TRPM8: variants seen among roughly 807,000 people sequenced by gnomAD.
TRPM8 encodes transient receptor potential cation channel subfamily M member 8.
TRPM8 carries 110 observed loss-of-function variants against 133.7 expected under a neutral mutation model. The observed-to-expected ratio is 0.82, with a 90% CI of 0.70 to 0.96. TRPM8 has a LOEUF of 0.96. Ranked by LOEUF, TRPM8 falls within the 40% of genes least tolerant of loss-of-function variation. The pLI is 0.00. For missense variants in TRPM8, 1,291 were observed against 1,379.5 expected, an observed-to-expected ratio of 0.94 and a Z score of 1.02; for synonymous variants, 535 against 532.3, an observed-to-expected ratio of 1.01 and a Z score of -0.07.
chr2:233,928,954 T>C (rs1258252412), intron 2 of TRPM8, among the ~76,000 whole-genome samples: 1 of 152,148 alleles, frequency 6.6e-6, no homozygotes, highest in Non-Finnish European at 1.5e-5. Context: ...GTTTTGAACA[T>C]TCATGGAATT....
chr2:233,971,075 C>A (rs1370933638), intron 17 of TRPM8, among the ~76,000 whole-genome samples: 1 of 152,174 alleles, frequency 6.6e-6, no homozygotes, highest in Non-Finnish European at 1.5e-5. Flanking sequence ...AAAGTCATCC[C>A]AGAAAATCTT....
At chr2:233,924,789 C>T (rs1388056752) in intron 1 of TRPM8, among the ~76,000 whole-genome samples, 1 of 152,178 alleles carries the variant, frequency 6.6e-6, no homozygotes, top group Non-Finnish European at 1.5e-5. Context: ...ACTTCCTAAG[C>T]CTTGGTGCCC....
In TRPM8 at chr2:234,007,827, G is replaced by A. The variant is rs186464252; in HGVS notation, c.3231-243G>A. On this transcript the variant is annotated intron_variant, in intron 23 of 25. Coordinates refer to ENST00000324695, the MANE Select transcript of TRPM8 (RefSeq NM_024080.5). ...ACAGACTTACAAGTCCTTTTCCACC[G>A]CCCTGTCAACAGCAATAGCATTTAT... Among the ~76,000 whole-genome samples the A allele has an allele frequency of 8.1e-4, 123 of 152,236 alleles. 1 individual carries two copies. The South Asian group carries it at 0.015, about 18-fold the overall frequency.
chr2:233,964,102 T>G (rs1030758684), intron 13 of TRPM8, among the ~76,000 whole-genome samples: 4 of 152,218 alleles, frequency 2.6e-5, no homozygotes, highest in African/African-American at 9.6e-5. Context: ...GTTCCTAGGT[T>G]GAGCTTCGGG....
intron 17 of TRPM8, among the ~76,000 whole-genome samples, chr2:233,973,752 G>C (rs756293401): frequency 6.6e-6 from 1 of 152,192 alleles, no homozygotes; most frequent in Middle Eastern, 3.2e-3. Flanking sequence ...GTATGTGTCA[G>C]CAGCAGCGAG....
intron 15 of TRPM8, among the ~76,000 whole-genome samples, chr2:233,968,513 C>T (rs1393890059): frequency 6.6e-6 from 1 of 152,134 alleles, no homozygotes; most frequent in East Asian, 1.9e-4. Flanking sequence ...CACCTTATTC[C>T]AGGACACTAG....
At chr2:233,966,469 G>A in intron 14 of TRPM8, 141 bp from the exon 15 acceptor site, 1 of 1,013,342 alleles carries the variant, frequency 9.9e-7, no homozygotes, top group Non-Finnish European at 1.5e-6. Context: ...GTGTTGTGAT[G>A]GCATTTTCTA....
intron 15 of TRPM8, among the ~76,000 whole-genome samples, chr2:233,967,563 A>G (rs1022648953): frequency 1.3e-5 from 2 of 152,340 alleles, no homozygotes; most frequent in South Asian, 2.1e-4. Flanking sequence ...GCTGTGAAGT[A>G]GCAGCACTAG....
intron 15 of TRPM8, among the ~76,000 whole-genome samples, chr2:233,969,264 G>A (rs1392478271): frequency 6.6e-6 from 1 of 151,924 alleles, no homozygotes; most frequent in Non-Finnish European, 1.5e-5. Flanking sequence ...GATCACCTGA[G>A]GTCGGGAGTT....
At chr2:233,998,316 C>T (rs1692459067) in intron 22 of TRPM8, among the ~76,000 whole-genome samples, 1 of 152,188 alleles carries the variant, frequency 6.6e-6, no homozygotes. Flanking sequence ...ATTTGTTTTA[C>T]ACCAACTAAG....
At chr2:233,964,991 C>T (rs933804300) in intron 14 of TRPM8, among the ~76,000 whole-genome samples, 2 of 151,482 alleles carry the variant, frequency 1.3e-5, no homozygotes, top group Non-Finnish European at 2.9e-5. Flanking sequence ...CCCATGGCCA[C>T]CCAGGGCCAT....
At chr2:233,934,445 A>T (rs901784550) in intron 3 of TRPM8, among the ~76,000 whole-genome samples, 3 of 152,230 alleles carry the variant, frequency 2.0e-5, no homozygotes, top group Non-Finnish European at 4.4e-5. Flanking sequence ...GTCAATTATG[A>T]ACATTTCCAC....
intron 20 of TRPM8, among the ~76,000 whole-genome samples, chr2:233,984,073 A>G (rs982549248): frequency 6.6e-6 from 1 of 152,132 alleles, no homozygotes; most frequent in African/African-American, 2.4e-5. Context: ...TCATCCTCAT[A>G]ACAACCCTCC....
At chr2:234,007,503 ATAAGTCATAGC>A (rs1692724138) in intron 23 of TRPM8, among the ~76,000 whole-genome samples, 1 of 152,254 alleles carries the variant, frequency 6.6e-6, no homozygotes, top group African/African-American at 2.4e-5. Context: ...ATAGAAATAG[ATAAGTCATAGC>A]TAAGTCTGTA....
intron 3 of TRPM8, among the ~76,000 whole-genome samples, chr2:233,931,714 A>G (rs1346069862): frequency 7.9e-5 from 12 of 152,232 alleles, no homozygotes; most frequent in Admixed American, 7.9e-4. Flanking sequence ...ACTTCATGTG[A>G]ATTAGAAAAT....
intron 5 of TRPM8, among the ~76,000 whole-genome samples, chr2:233,941,255 T>G (rs563999595): frequency 1.2e-4 from 18 of 152,308 alleles, no homozygotes; most frequent in African/African-American, 4.3e-4. Flanking sequence ...TAAAATCAAC[T>G]AGAAGGAAGC....
At chr2:233,937,234 C>T in intron 3 of TRPM8, 119 bp from the exon 4 acceptor site, 1 of 1,268,616 alleles carries the variant, frequency 7.9e-7, no homozygotes. Flanking sequence ...ATGATGAAAA[C>T]AGTCTGAAAA....
intron 17 of TRPM8, among the ~76,000 whole-genome samples, chr2:233,977,613 G>A (rs1181228112): frequency 2.6e-5 from 4 of 152,110 alleles, no homozygotes; most frequent in African/African-American, 7.2e-5. Context: ...TGTTGGTGAG[G>A]GGTCCCTGGG....
In TRPM8 at chr2:233,949,929, A is replaced by G; in HGVS notation, c.943-20A>G. 1 of 1,612,910 alleles carries G rather than the reference A, an allele frequency of 6.2e-7. No individual in the cohort carries two copies. The highest frequency in any genetic ancestry group is 1.1e-5 in the South Asian group (1 of 90,828). On this transcript the variant is annotated intron_variant, in intron 8 of 25. Transcript: ENST00000324695. ...TGGACCAAGGTCTCTGATCTGTCTG[A>G]CTCTGTCTCCTTCCTCCAGGCCATC... is the stretch of plus-strand genomic sequence containing the variant.
Sources: gnomAD v4.1 joint callset for allele counts (sites outside exome capture counted in the v4.1 genomes callset) on GRCh38, gnomAD v4.1.1 for gene constraint, MANE v1.5 for transcripts, NCBI Gene and HGNC (gene_info 2026-07-23, HGNC 2026-07-21) for gene names.